Variants in ADAMTSL4 observed in about 807,000 individuals in gnomAD.
ADAMTSL4 encodes the protein ADAMTS-like protein 4.
In ADAMTSL4, 97 loss-of-function variants were observed where a neutral mutation model predicts 122.8. The observed-to-expected ratio is 0.79, with a 90% CI of 0.67 to 0.93. ADAMTSL4 has a LOEUF of 0.93. Ranked by LOEUF, ADAMTSL4 falls within the 40% of genes least tolerant of loss-of-function variation. The pLI, the probability that ADAMTSL4 is intolerant of heterozygous loss-of-function variation, is 0.00. For synonymous variants in ADAMTSL4, 592 were observed against 568.0 expected (o/e 1.04, Z -0.60); for missense variants, 1,408 against 1,453.5 (o/e 0.97, Z 0.51).
chr1:150,558,841 C>T, intron 15 of ADAMTSL4, 121 bp from the exon 16 acceptor site: 1 of 1,538,130 alleles, frequency 6.5e-7, no homozygotes, highest in Non-Finnish European at 8.7e-7. Flanking sequence ...GGGCCTGGTA[C>T]CCGGGGACAT....
Position 150,554,782 on chromosome 1 carries a change from G to A in ADAMTSL4, c.1234+315G>A. The A allele has an allele frequency of 1.1e-6, 1 of 929,980 alleles. No homozygotes were observed. The highest frequency in any genetic ancestry group is 1.7e-5 in the African/African-American group (1 of 60,256). 57.6% of individuals were successfully genotyped at this position (929,980 alleles called of 1,614,324 possible). A position where few individuals can be genotyped will look rare whatever the true frequency, so the allele number is the denominator to read the frequency against. On this transcript the variant is annotated intron_variant, in intron 7 of 18. Coordinates refer to ENST00000271643, the MANE Select transcript of ADAMTSL4 (RefSeq NM_019032.6). The surrounding 1 kb of genome is among the most constrained non-coding windows in gnomAD (Gnocchi z 4.0). ...GGAGAGATCCTGTCCAGCCGTGACA[G>A]CCAGGTGGGGGTGTGCCACGCATCC...
At chr1:150,551,241 C>T (rs1288841267) in intron 2 of ADAMTSL4, 11 of 351,288 alleles carry the variant, frequency 3.1e-5, no homozygotes, top group South Asian at 6.4e-5. Flanking sequence ...CTGGTAGAGA[C>T]GCACAGGAAA....
chr1:150,552,177 G>A lies in ADAMTSL4; in HGVS notation c.-84-28G>A, dbSNP rs587685112. On this transcript the variant is annotated intron_variant, in intron 2 of 18. Coordinates refer to ENST00000271643, the MANE Select transcript of ADAMTSL4 (RefSeq NM_019032.6). The surrounding 1 kb of genome is among the most constrained non-coding windows in gnomAD (Gnocchi z 4.0). ...CCCCAAGCTCTCTGGACACTGGAGAGGTAACCACCAGGCTTCTGTCCCTGC... is the reference window on the plus strand; with the variant it reads ...CCCCAAGCTCTCTGGACACTGGAGAAGTAACCACCAGGCTTCTGTCCCTGC... The A allele has an allele frequency of 7.7e-6, 9 of 1,171,146 alleles. No individual in the cohort carries two copies. The South Asian group carries it at 1.3e-4, about 17-fold the overall frequency. 72.5% of individuals were successfully genotyped at this position (1,171,146 alleles called of 1,614,324 possible).
Position 150,556,531 on chromosome 1 carries a change from G to A in ADAMTSL4, c.1577-90G>A. The stretch of plus-strand genomic sequence containing the variant: ...GGGCTTGGGGGGATCTTAGGTTCTG[G>A]TGGGAGCTTCTATAGGCTAAGGACA... On this transcript the variant is annotated intron_variant, in intron 9 of 18. Transcript: ENST00000271643. This position sits in a 1 kb window ranked among gnomAD's most constrained non-coding sequence, Gnocchi z 4.1. 1 of 1,591,246 alleles carries A rather than the reference G, an allele frequency of 6.3e-7. No individual in the cohort carries two copies. Among genetic ancestry groups the A allele is most frequent in the Non-Finnish European group, 8.6e-7 (1 of 1,161,230 alleles).
intron 2 of ADAMTSL4, chr1:150,550,890 C>T: frequency 2.2e-6 from 1 of 456,512 alleles, no homozygotes; most frequent in South Asian, 1.5e-5. Context: ...CACATTCCTA[C>T]CCTTCTCTTG....
rs780658812 is a variant in ADAMTSL4, at chr1:150,558,032, G to A, written c.2265G>A (p.Gly755=). The change falls in exon 14 of 19, where the codon GGG becomes GGA. Residue 755 remains glycine, a synonymous_variant. Coordinates refer to ENST00000271643, the MANE Select transcript of ADAMTSL4 (RefSeq NM_019032.6). ...HRQLQCRQEF[G]GGGSSVPPER... ...AGCTGCAGTGCCGGCAGGAATTTGGGGGGGGTGGCTCCTCGGTGCCCCCGG... is the reference window on the plus strand; with the variant it reads ...AGCTGCAGTGCCGGCAGGAATTTGGAGGGGGTGGCTCCTCGGTGCCCCCGG... The A allele has an allele frequency of 3.7e-6, 6 of 1,612,858 alleles. No individual in the cohort carries two copies. The highest frequency in any genetic ancestry group is 5.1e-6 in the Non-Finnish European group (6 of 1,179,882).
rs763822738 is a variant in ADAMTSL4 at position 150,553,402 on chromosome 1, C to T, written c.435-24C>T. 6.4e-5 allele frequency: 103 copies of T among 1,612,792 alleles called. No homozygotes were observed. In the Middle Eastern group the frequency reaches 8.2e-4, roughly 13 times the overall value. The stretch of plus-strand genomic sequence containing the variant: ...GGTCAGAGGTGGTCAGAGCTGTGCC[C>T]CCACATCTGAAACACCTTCTCAGGT... On this transcript the variant is annotated intron_variant, in intron 5 of 18. Coordinates refer to ENST00000271643, the MANE Select transcript of ADAMTSL4 (RefSeq NM_019032.6).
chr1:150,558,460 C>T lies in ADAMTSL4; in HGVS notation c.2383-13C>T, dbSNP rs772443148. 6.2e-7 allele frequency: 1 copy of T among 1,613,002 alleles called. No individual in the cohort carries two copies. Among genetic ancestry groups the T allele is most frequent in the Non-Finnish European group, 8.5e-7 (1 of 1,179,916 alleles). On this transcript the variant is annotated splice_polypyrimidine_tract_variant and intron_variant, in intron 14 of 18. Coordinates refer to ENST00000271643, the MANE Select transcript of ADAMTSL4 (RefSeq NM_019032.6). ...GGGAAGCCCAGCTCCCTGGATTCCC[C>T]TCGCCCCCTCAGTGCTCCGTGCGGT...
In ADAMTSL4 at chr1:150,559,255, C is replaced by T. The variant is rs746042751; in HGVS notation, c.2764-32C>T. ...CTTGGGGTGCTCTCTGTCCTCCCCT[C>T]CCCTCATCACCCTGCCCTCCCCCTA... is the stretch of plus-strand genomic sequence containing the variant. On this transcript the variant is annotated intron_variant, in intron 16 of 18. Coordinates refer to ENST00000271643, the MANE Select transcript of ADAMTSL4 (RefSeq NM_019032.6). The surrounding 1 kb of genome is among the most constrained non-coding windows in gnomAD (Gnocchi z 4.1). The T allele has an allele frequency of 2.5e-6, 4 of 1,613,302 alleles. No individual in the cohort carries two copies. Among genetic ancestry groups the T allele is most frequent in the East Asian group, 2.2e-5 (1 of 44,866 alleles).
In ADAMTSL4 at chr1:150,556,658, G is replaced by A; in HGVS notation, c.1614G>A (p.Gly538=). The change falls in exon 10 of 19, where the codon GGG becomes GGA. Residue 538 remains glycine, a synonymous_variant. Transcript: ENST00000271643. This position sits in a 1 kb window ranked among gnomAD's most constrained non-coding sequence, Gnocchi z 4.1. The part of the protein sequence containing the change: ...RGPGGRSIIN[G]NWAVDPPGSY... ...CTGGGGGCCGGTCCATCATCAATGG[G>A]AACTGGGCTGTGGATCCCCCTGGGT... is the stretch of plus-strand genomic sequence containing the variant. 5 of 1,614,014 alleles carry A rather than the reference G, an allele frequency of 3.1e-6. No homozygotes were observed. The highest frequency in any genetic ancestry group is 4.2e-6 in the Non-Finnish European group (5 of 1,179,982).
rs1251411294 is a variant in ADAMTSL4 at position 150,558,036 on chromosome 1, G to T, written c.2269G>T (p.Gly757Cys). 2 of 1,612,832 alleles carry T rather than the reference G, an allele frequency of 1.2e-6. No individual in the cohort carries two copies. Among genetic ancestry groups the T allele is most frequent in the Non-Finnish European group, 1.7e-6 (2 of 1,179,864 alleles). ...QLQCRQEFGGGGSSVPPERCG... is the reference protein window; with the variant it reads ...QLQCRQEFGGCGSSVPPERCG... ...GCAGTGCCGGCAGGAATTTGGGGGGGGTGGCTCCTCGGTGCCCCCGGAGCG... is the reference window on the plus strand; with the variant it reads ...GCAGTGCCGGCAGGAATTTGGGGGGTGTGGCTCCTCGGTGCCCCCGGAGCG... Residue 757 changes from glycine (G) to cysteine (C), a missense_variant, in exon 14 of 19, where the codon GGT becomes TGT. Coordinates refer to ENST00000271643, the MANE Select transcript of ADAMTSL4 (RefSeq NM_019032.6).
rs752011569 is a variant in ADAMTSL4, at chr1:150,560,156, G to T, written c.3185G>T (p.Cys1062Phe). 6.2e-7 allele frequency: 1 copy of T among 1,614,080 alleles called. No individual in the cohort carries two copies. Among genetic ancestry groups the T allele is most frequent in the South Asian group, 1.1e-5 (1 of 91,082 alleles). The change falls in exon 19 of 19, where the codon TGC (cysteine) becomes TTC (phenylalanine). Residue 1062 changes from cysteine to phenylalanine, a missense_variant. Transcript: ENST00000271643. ...TACACAGCCACCTGTTGCCGCTCTTGCGCACATGTCCTGGAGCGGTCTCCC... is the reference window on the plus strand; with the variant it reads ...TACACAGCCACCTGTTGCCGCTCTTTCGCACATGTCCTGGAGCGGTCTCCC... ...PYYTATCCRS[C>F]AHVLERSPQD...
intron 8 of ADAMTSL4, chr1:150,555,887 A>G (rs1470706277): frequency 6.7e-6 from 4 of 598,758 alleles, no homozygotes; most frequent in Admixed American, 2.8e-5. Flanking sequence ...ATGCACACAC[A>G]CGTATTTGCA....
intron 2 of ADAMTSL4, chr1:150,550,780 C>A: frequency 4.4e-6 from 2 of 456,538 alleles, no homozygotes; most frequent in South Asian, 3.1e-5. Flanking sequence ...CAACCCCAAT[C>A]CCTGAGGCGC....
intron 2 of ADAMTSL4, chr1:150,550,167 C>T (rs1314816212): frequency 2.2e-6 from 1 of 453,730 alleles, no homozygotes; most frequent in African/African-American, 2.0e-5. Flanking sequence ...CCAGGAGGAG[C>T]CCGCGTTTGT....
rs1199333477 is a variant in ADAMTSL4 at position 150,552,675 on chromosome 1, C to T, written c.78+75C>T. 6 of 1,539,444 alleles carry T rather than the reference C, an allele frequency of 3.9e-6. No individual in the cohort carries two copies. The East Asian group carries it at 1.4e-4, about 37-fold the overall frequency. On this transcript the variant is annotated intron_variant, in intron 4 of 18. Transcript: ENST00000271643. This position sits in a 1 kb window ranked among gnomAD's most constrained non-coding sequence, Gnocchi z 4.0. ...CTCCCCCTAGGCTCCCACCCCATCT[C>T]TCCAGGCCACGCCTCCATTCCCCAC...
In ADAMTSL4 at chr1:150,557,291, G is replaced by A. The variant is rs587767779; in HGVS notation, c.2003G>A (p.Trp668Ter). Residue 668 changes from tryptophan (W) to a stop codon, truncating the protein, a stop_gained, in exon 12 of 19, where the codon TGG becomes TAG. Coordinates refer to ENST00000271643, the MANE Select transcript of ADAMTSL4 (RefSeq NM_019032.6). LOFTEE classifies it high-confidence loss of function. ...RTPLGSPAAY[W>*]KRVGHSACSA... Reference sequence around the variant, plus strand: ...CCCCTGGGGTCTCCAGCTGCGTACTGGAAACGAGTGGGACACTCTGCATGC... The same window carrying A: ...CCCCTGGGGTCTCCAGCTGCGTACTAGAAACGAGTGGGACACTCTGCATGC... 1.9e-6 allele frequency: 3 copies of A among 1,612,334 alleles called. No homozygotes were observed. The highest frequency in any genetic ancestry group is 2.7e-5 in the African/African-American group (2 of 74,984).
chr1:150,553,602 T>C lies in ADAMTSL4; in HGVS notation c.611T>C (p.Phe204Ser), dbSNP rs1464344327. 2.5e-6 allele frequency: 4 copies of C among 1,613,186 alleles called. No individual in the cohort carries two copies. Among genetic ancestry groups the C allele is most frequent in the East Asian group, 2.2e-5 (1 of 44,832 alleles). ...TCCCCTACTCCAAGAGCAGAGCCAT[T>C]CTCCGCAAACGGCAGCCCCCAAACT... ...IPSPTPRAEP[F>S]SANGSPQTEL... Residue 204 changes from phenylalanine (F) to serine (S), a missense_variant, in exon 6 of 19, where the codon TTC (phenylalanine) becomes TCC (serine). Coordinates refer to ENST00000271643, the MANE Select transcript of ADAMTSL4 (RefSeq NM_019032.6).
At chr1:150,555,593 A>G in intron 8 of ADAMTSL4, 28 bp downstream of exon 8, 1 of 1,590,968 alleles carries the variant, frequency 6.3e-7, no homozygotes, top group Non-Finnish European at 8.5e-7. Context: ...GTGTGTGCAC[A>G]CACACATGCA....
Sources: gnomAD v4.1 joint callset for allele counts on GRCh38, gnomAD v4.1.1 for gene constraint, Gnocchi (gnomAD v3.1) non-coding constraint, MANE v1.5 for transcripts, NCBI Gene and HGNC (gene_info 2026-07-23, HGNC 2026-07-21) for gene names.